ATF7IP: variants seen among roughly 807,000 people sequenced by gnomAD.
ATF7IP encodes the protein activating transcription factor 7 interacting protein.
A neutral mutation model predicts 106.4 loss-of-function variants in ATF7IP; 23 were observed. The observed-to-expected ratio is 0.22, with a 90% CI of 0.16 to 0.31. The LOEUF (loss-of-function observed/expected upper bound fraction) is 0.31, where lower values mean the gene tolerates loss of function less well. Ranked by LOEUF, ATF7IP falls within the 10% of genes least tolerant of loss-of-function variation. The pLI is 1.00. For missense variants in ATF7IP, 1,334 were observed against 1,524.3 expected (o/e 0.88, Z 2.08); for synonymous variants, 542 against 539.0 (o/e 1.01, Z -0.08).
At chr12:14,377,932 T>C (rs1230843116) in intron 1 of ATF7IP, among the ~76,000 whole-genome samples, 1 of 151,608 alleles carries the variant, frequency 6.6e-6, no homozygotes, top group Non-Finnish European at 1.5e-5. Flanking sequence ...CTGGTCTGAC[T>C]TACCCAATTT....
intron 5 of ATF7IP, among the ~76,000 whole-genome samples, chr12:14,439,363 A>G (rs754120842): frequency 1.3e-5 from 2 of 152,214 alleles, no homozygotes; most frequent in Non-Finnish European, 2.9e-5. Flanking sequence ...GCTAAATAGG[A>G]TTAGAATTTA....
At chr12:14,487,125 C>T (rs1042332383) in intron 13 of ATF7IP, among the ~76,000 whole-genome samples, 126 of 151,062 alleles carry the variant, frequency 8.3e-4, no homozygotes, top group African/African-American at 2.9e-3. Context: ...CTATTAGAAC[C>T]TTTTTTTTTA....
At chr12:14,389,918 C>G (rs1485492415) in intron 1 of ATF7IP, among the ~76,000 whole-genome samples, 2 of 152,212 alleles carry the variant, frequency 1.3e-5, no homozygotes, top group Non-Finnish European at 2.9e-5. Context: ...GCCACCGCCC[C>G]CAGCCCCATT....
At position 14,478,450 on chromosome 12, in the gene ATF7IP, C is replaced by G; in HGVS notation, c.3075C>G (p.Thr1025=). 1 of 1,614,038 alleles carries G rather than the reference C, an allele frequency of 6.2e-7. No homozygotes were observed. Among genetic ancestry groups the G allele is most frequent in the South Asian group, 1.1e-5 (1 of 91,078 alleles). The part of the protein sequence containing the change: ...SGVPTSGPSQ[T]TIHLLPTAPT... The stretch of plus-strand genomic sequence containing the variant: ...TGCCAACAAGTGGACCATCTCAGAC[C>G]ACCATACACTTACTACCTACAGGTA... The change falls in exon 12 of 15, where the codon ACC becomes ACG. Residue 1025 remains threonine (T), a synonymous_variant. Transcript: ENST00000261168.
intron 1 of ATF7IP, among the ~76,000 whole-genome samples, chr12:14,411,152 G>C (rs1446451064): frequency 1.3e-5 from 2 of 152,136 alleles, no homozygotes. Context: ...CCTAGGAATG[G>C]AATTGCTGGA....
chr12:14,487,741 A>G (rs1435131769), intron 13 of ATF7IP, among the ~76,000 whole-genome samples: 2 of 152,194 alleles, frequency 1.3e-5, no homozygotes, highest in Non-Finnish European at 2.9e-5. Flanking sequence ...CACTCAAGGC[A>G]GTCTTAGCAG....
chr12:14,407,187 G>A (rs1301002662), intron 1 of ATF7IP, among the ~76,000 whole-genome samples: 4 of 152,088 alleles, frequency 2.6e-5, no homozygotes, highest in Non-Finnish European at 4.4e-5. Context: ...AGTGACCAAA[G>A]AAACATTTTA....
chr12:14,480,245 T>A (rs578179342), intron 12 of ATF7IP, among the ~76,000 whole-genome samples: 2 of 152,196 alleles, frequency 1.3e-5, no homozygotes, highest in Admixed American at 1.3e-4. Context: ...TTGTAAGATA[T>A]GATTCTAATT....
chr12:14,447,676 C>CT (rs1343715325), intron 6 of ATF7IP, among the ~76,000 whole-genome samples: 1 of 152,108 alleles, frequency 6.6e-6, no homozygotes, highest in Non-Finnish European at 1.5e-5. Flanking sequence ...ATTTTGCATT[C>CT]TTGTCAGATT....
intron 1 of ATF7IP, among the ~76,000 whole-genome samples, chr12:14,370,329 C>G (rs977875557): frequency 5.3e-5 from 8 of 152,138 alleles, no homozygotes; most frequent in African/African-American, 1.9e-4. Flanking sequence ...TTGACAATGA[C>G]TGTATCTGGG....
At chr12:14,410,255 C>A (rs935182305) in intron 1 of ATF7IP, among the ~76,000 whole-genome samples, 1 of 152,068 alleles carries the variant, frequency 6.6e-6, no homozygotes, top group Non-Finnish European at 1.5e-5. Flanking sequence ...GGAAAAATTT[C>A]AGAAATAAAT....
chr12:14,371,947 G>C (rs541425089), intron 1 of ATF7IP, among the ~76,000 whole-genome samples: 1 of 152,134 alleles, frequency 6.6e-6, no homozygotes, highest in South Asian at 2.1e-4. Flanking sequence ...TCTAACAGTT[G>C]TGGGGCATAT....
intron 5 of ATF7IP, among the ~76,000 whole-genome samples, chr12:14,442,108 C>T (rs1942740729): frequency 6.6e-6 from 1 of 152,022 alleles, no homozygotes. Context: ...CCATTACTGC[C>T]TTGTTTTGCA....
chr12:14,394,971 C>T (rs886333189), intron 1 of ATF7IP: 1 of 152,100 alleles, frequency 6.6e-6, no homozygotes, highest in South Asian at 2.1e-4. Context: ...CTGTGAGCTT[C>T]ATTGACATAT....
At chr12:14,365,908 T>C (rs1249137298) in intron 1 of ATF7IP, 81 bp downstream of exon 1, 1 of 152,394 alleles carries the variant, frequency 6.6e-6, no homozygotes, top group South Asian at 2.0e-4. Flanking sequence ...GACCGCATTA[T>C]GGCGGCTGCG....
intron 12 of ATF7IP, among the ~76,000 whole-genome samples, chr12:14,478,848 TA>T (rs1484807541): frequency 6.6e-6 from 1 of 152,190 alleles, no homozygotes; most frequent in Non-Finnish European, 1.5e-5. Context: ...GTTCCATGGT[TA>T]AATATGCTTG....
At chr12:14,494,331 A>ATATATG (rs1944935317) in intron 13 of ATF7IP, among the ~76,000 whole-genome samples, 1 of 90,614 alleles carries the variant, frequency 1.1e-5, no homozygotes, top group Admixed American at 1.3e-4. Flanking sequence ...ATATATATAT[A>ATATATG]TATGTGTGTG....
intron 6 of ATF7IP, among the ~76,000 whole-genome samples, chr12:14,447,739 T>A (rs1943039545): frequency 6.6e-6 from 1 of 152,206 alleles, no homozygotes; most frequent in Admixed American, 6.5e-5. Context: ...TTCTACTGCC[T>A]GTAGTATTCC....
chr12:14,438,266 A>T lies in ATF7IP; in HGVS notation c.1928A>T (p.Gln643Leu). 6.2e-7 allele frequency: 1 copy of T among 1,611,330 alleles called. No homozygotes were observed. Among genetic ancestry groups the T allele is most frequent in the Non-Finnish European group, 8.5e-7 (1 of 1,179,088 alleles). ...CATAAAACAGTTCTCACTGAACTAC[A>T]GGTTTGTACATTGACTTGAGTTGTA... ...KRHKTVLTELQAKIARLTKRF... is the reference protein window; with the variant it reads ...KRHKTVLTELLAKIARLTKRF... Residue 643 changes from glutamine to leucine, a missense_variant and splice_region_variant, in exon 5 of 15, where the codon CAG becomes CTG. By Grantham distance (113) the Gln-to-Leu change is moderately radical. Around this residue, in one of 10 missense-constraint regions of ATF7IP, gnomAD observed 171 missense variants for 172.6 expected, o/e 0.99. Coordinates refer to ENST00000261168, the MANE Select transcript of ATF7IP (RefSeq NM_018179.5).
Sources: gnomAD v4.1 joint callset for allele counts (sites outside exome capture counted in the v4.1 genomes callset) on GRCh38, gnomAD v4.1.1 for gene constraint, gnomAD v4.1.1 regional missense constraint, MANE v1.5 for transcripts, NCBI Gene and HGNC (gene_info 2026-07-23, HGNC 2026-07-21) for gene names.